The following LINGO2 variants were observed in gnomAD, a reference collection of about 807,000 sequenced individuals.
LINGO2 encodes the protein leucine-rich repeat and immunoglobulin-like domain-containing nogo receptor-interacting protein 2.
Under a neutral mutation model 30.6 loss-of-function variants are expected in LINGO2, and 14 were observed. The ratio of observed to expected loss-of-function variants is 0.46; its 90% CI spans 0.30 to 0.72. The LOEUF (loss-of-function observed/expected upper bound fraction) is 0.72. Among genes scored for constraint, LINGO2 ranks in the 30% least tolerant of loss-of-function variants. The pLI, the probability that LINGO2 is intolerant of heterozygous loss-of-function variation, is 0.07. For missense variants in LINGO2, 729 were observed against 751.7 expected, an observed-to-expected ratio of 0.97 and a Z score of 0.35; for synonymous variants, 317 against 288.5, an observed-to-expected ratio of 1.10 and a Z score of -1.00.
chr9:28,583,584 T>C (rs145273918), intron 1 of LINGO2, among the ~76,000 whole-genome samples: 1 of 152,100 alleles, frequency 6.6e-6, no homozygotes, highest in East Asian at 1.9e-4. Flanking sequence ...CTTATTCAAA[T>C]TGAAGTTAAT....
intron 4 of LINGO2, among the ~76,000 whole-genome samples, chr9:28,202,729 A>G (rs949997964): frequency 2.6e-5 from 4 of 152,170 alleles, no homozygotes; most frequent in African/African-American, 9.7e-5. Context: ...TCACAAATGT[A>G]AAATGGGATA....
At chr9:28,852,030 T>G in the LINGO2 span, among the ~76,000 whole-genome samples, 3 of 151,958 alleles carry the variant, frequency 2.0e-5, no homozygotes, top group Admixed American at 2.0e-4. Context: ...AAATCTGACT[T>G]CCAGTTGCAC....
chr9:28,356,701 C>T (rs927478230), intron 3 of LINGO2, among the ~76,000 whole-genome samples: 1 of 152,122 alleles, frequency 6.6e-6, no homozygotes, highest in Non-Finnish European at 1.5e-5. Flanking sequence ...ATGATAATCA[C>T]CTGGTCTCTG....
chr9:28,663,778 G>A (rs928330794), intron 1 of LINGO2, among the ~76,000 whole-genome samples: 19 of 152,162 alleles, frequency 1.2e-4, no homozygotes, highest in African/African-American at 4.1e-4. Flanking sequence ...CCTGTCTGCC[G>A]TATGCTGAAG....
intron 4 of LINGO2, among the ~76,000 whole-genome samples, chr9:28,099,055 A>T (rs1184203305): frequency 6.6e-6 from 1 of 152,184 alleles, no homozygotes; most frequent in Admixed American, 6.6e-5. Context: ...TCAAAACATT[A>T]TGCTAATAGC....
At chr9:29,127,762 C>G in the LINGO2 span, among the ~76,000 whole-genome samples, 1 of 152,232 alleles carries the variant, frequency 6.6e-6, no homozygotes, top group East Asian at 1.9e-4. Flanking sequence ...AGGGGAAGGA[C>G]TCTTTTCTGT....
the LINGO2 span, among the ~76,000 whole-genome samples, chr9:28,765,254 T>C: frequency 6.6e-5 from 10 of 152,170 alleles, no homozygotes; most frequent in Non-Finnish European, 1.3e-4. Context: ...CAGATTATAT[T>C]ACAAAGCTAT....
chr9:29,149,157 T>A, the LINGO2 span, among the ~76,000 whole-genome samples: 1 of 152,120 alleles, frequency 6.6e-6, no homozygotes. Flanking sequence ...GGAGTAACAA[T>A]ATCATAGTGA....
the LINGO2 span, among the ~76,000 whole-genome samples, chr9:29,134,364 A>G: frequency 6.6e-6 from 1 of 152,300 alleles, no homozygotes; most frequent in East Asian, 1.9e-4. Flanking sequence ...AACTTTCAAA[A>G]TAAACATTTT....
At chr9:28,277,019 C>T (rs937288919) in intron 4 of LINGO2, among the ~76,000 whole-genome samples, 1 of 152,142 alleles carries the variant, frequency 6.6e-6, no homozygotes, top group African/African-American at 2.4e-5. Flanking sequence ...GTTTATCTAC[C>T]AGTTCTCTCA....
intron 1 of LINGO2, among the ~76,000 whole-genome samples, chr9:28,579,729 C>A (rs1287381666): frequency 6.6e-6 from 1 of 151,882 alleles, no homozygotes; most frequent in African/African-American, 2.4e-5. Context: ...TATTCTAGGC[C>A]CATTTCAACA....
intron 4 of LINGO2, among the ~76,000 whole-genome samples, chr9:28,089,561 A>T (rs1273691147): frequency 6.6e-6 from 1 of 152,202 alleles, no homozygotes; most frequent in Non-Finnish European, 1.5e-5. Context: ...ACACATTTAA[A>T]GCAGTGTGTA....
At chr9:28,955,816 G>A in the LINGO2 span, among the ~76,000 whole-genome samples, 1 of 152,002 alleles carries the variant, frequency 6.6e-6, no homozygotes, top group African/African-American at 2.4e-5. Context: ...TTGGATGTAT[G>A]TATGTATGTA....
chr9:29,211,243 G>C, the LINGO2 span, among the ~76,000 whole-genome samples: 2 of 152,106 alleles, frequency 1.3e-5, no homozygotes, highest in African/African-American at 4.8e-5. Flanking sequence ...CCGGCTGACA[G>C]ACACGGGGGT....
the LINGO2 span, among the ~76,000 whole-genome samples, chr9:28,964,937 A>G: frequency 6.6e-6 from 1 of 151,970 alleles, no homozygotes; most frequent in Admixed American, 6.6e-5. Context: ...TTTACTTCTC[A>G]CCAACACTAG....
chr9:28,716,335 T>G, the LINGO2 span, among the ~76,000 whole-genome samples: 1 of 151,840 alleles, frequency 6.6e-6, no homozygotes, highest in Non-Finnish European at 1.5e-5. Context: ...GGATGGAGTA[T>G]GTGAAAGAAA....
chr9:28,714,678 C>T, the LINGO2 span, among the ~76,000 whole-genome samples: 15,895 of 151,836 alleles, frequency 0.1, 997 homozygotes, highest in East Asian at 0.19. Context: ...CAACAGCTAG[C>T]GTTATCTAGA....
chr9:28,409,623 GT>G (rs1822666395), intron 2 of LINGO2, among the ~76,000 whole-genome samples: 3 of 39,688 alleles, frequency 7.6e-5, no homozygotes, highest in South Asian at 7.5e-4. Context: ...GTGCAGGGGT[GT>G]GTGTGTGTGT....
intron 3 of LINGO2, among the ~76,000 whole-genome samples, chr9:28,315,367 A>C (rs1194897205): frequency 6.6e-6 from 1 of 150,458 alleles, no homozygotes; most frequent in Non-Finnish European, 1.5e-5. Flanking sequence ...GTGCCACTGC[A>C]CTCCAGTCTG....
Sources: gnomAD v4.1 joint callset for allele counts (sites outside exome capture counted in the v4.1 genomes callset) on GRCh38, gnomAD v4.1.1 for gene constraint, MANE v1.5 for transcripts, NCBI Gene and HGNC (gene_info 2026-07-23, HGNC 2026-07-21) for gene names.